Variants in VWC2L observed in about 807,000 individuals in gnomAD.
The protein encoded by VWC2L is von Willebrand factor C domain-containing protein 2-like.
VWC2L carries 10 observed loss-of-function variants against 21.6 expected under a neutral mutation model. The ratio of observed to expected loss-of-function variants is 0.46; its 90% confidence interval spans 0.29 to 0.78. The LOEUF (loss-of-function observed/expected upper bound fraction) is 0.78. Ranked by LOEUF, VWC2L falls within the 30% of genes least tolerant of loss-of-function variation. The probability of loss-of-function intolerance (pLI) is 0.10; values close to 1 mark genes in which losing one functional copy is unlikely to be tolerated. For missense variants in VWC2L, 209 were observed against 277.1 expected, an observed-to-expected ratio of 0.75 and a Z score of 1.74; for synonymous variants, 96 against 94.3, an observed-to-expected ratio of 1.02 and a Z score of -0.10.
rs539126645 is a variant in VWC2L at position 214,437,191 on chromosome 2, A to G, written c.520+433A>G. Reference sequence around the variant, plus strand: ...TAGATAAGACCTTAGGTTTAAAGTTAAATATAAAATTCAAGAAATATTAAA... The same window carrying G: ...TAGATAAGACCTTAGGTTTAAAGTTGAATATAAAATTCAAGAAATATTAAA... On this transcript the variant is annotated intron_variant, in intron 3 of 3. Transcript: ENST00000312504. Among the ~76,000 whole-genome samples the G allele has an allele frequency of 1.9e-4, 29 of 152,264 alleles. No individual in the cohort carries two copies. In the South Asian group the frequency reaches 3.7e-3, roughly 20 times the overall value.
chr2:214,453,125 A>G (rs1703000890), intron 3 of VWC2L, among the ~76,000 whole-genome samples: 1 of 152,222 alleles, frequency 6.6e-6, no homozygotes, highest in South Asian at 2.1e-4. Flanking sequence ...GGTTGTAACC[A>G]AGAAATCTTG....
intron 3 of VWC2L, among the ~76,000 whole-genome samples, chr2:214,568,655 G>A (rs184746473): frequency 7.2e-5 from 11 of 152,256 alleles, no homozygotes; most frequent in African/African-American, 2.2e-4. Flanking sequence ...CACAAGAACA[G>A]CACAGGAAAG....
chr2:214,477,244 T>A (rs533302133), intron 3 of VWC2L, among the ~76,000 whole-genome samples: 236 of 152,316 alleles, frequency 1.5e-3, no homozygotes, highest in Middle Eastern at 0.014. Context: ...GTTCTTACTA[T>A]CCTATAGCAA....
At chr2:214,491,345 C>T (rs548204518) in intron 3 of VWC2L, among the ~76,000 whole-genome samples, 24 of 152,112 alleles carry the variant, frequency 1.6e-4, no homozygotes, top group African/African-American at 5.5e-4. Context: ...TTGGTTCATG[C>T]GTCTGATTGA....
intron 3 of VWC2L, among the ~76,000 whole-genome samples, chr2:214,502,960 T>C (rs2105901882): frequency 6.6e-6 from 1 of 152,348 alleles, no homozygotes; most frequent in East Asian, 1.9e-4. Context: ...GTTGTGTGCA[T>C]TTATTAGTGT....
intron 2 of VWC2L, chr2:214,415,054 TC>T (rs749439666): frequency 1.8e-4 from 29 of 158,932 alleles, no homozygotes; most frequent in South Asian, 7.5e-4. Context: ...TTAGCTGTGG[TC>T]CTCATATTAA....
chr2:214,574,474 C>T (rs1203853587), intron 3 of VWC2L, among the ~76,000 whole-genome samples: 1 of 152,160 alleles, frequency 6.6e-6, no homozygotes, highest in Non-Finnish European at 1.5e-5. Flanking sequence ...AGCGGAACTA[C>T]ACATAGCCCC....
At chr2:214,542,091 C>T (rs543663032) in intron 3 of VWC2L, among the ~76,000 whole-genome samples, 139 of 152,220 alleles carry the variant, frequency 9.1e-4, no homozygotes, top group Admixed American at 1.2e-3. Flanking sequence ...GACAGTCTGC[C>T]TGGCTGTAAT....
chr2:214,520,404 G>A (rs1280227484), intron 3 of VWC2L, among the ~76,000 whole-genome samples: 2 of 151,972 alleles, frequency 1.3e-5, no homozygotes, highest in African/African-American at 4.8e-5. Context: ...TTATGAAGCA[G>A]TTTCATTATG....
intron 3 of VWC2L, chr2:214,525,219 T>A (rs1689313907): frequency 6.6e-6 from 1 of 152,066 alleles, no homozygotes. Context: ...GGGTCAGAGA[T>A]TTTTTTGAGA....
intron 3 of VWC2L, among the ~76,000 whole-genome samples, chr2:214,482,446 A>AAT (rs1417590039): frequency 4.2e-4 from 63 of 151,594 alleles, no homozygotes; most frequent in Middle Eastern, 3.4e-3. Context: ...AAACTGGTAA[A>AAT]ATATATATAT....
intron 3 of VWC2L, among the ~76,000 whole-genome samples, chr2:214,506,197 T>C (rs749935624): frequency 4.6e-5 from 7 of 152,190 alleles, no homozygotes; most frequent in Non-Finnish European, 1.0e-4. Context: ...TAAAGATATA[T>C]ACTGACTTTT....
intron 3 of VWC2L, among the ~76,000 whole-genome samples, chr2:214,567,763 C>A (rs1202056932): frequency 6.6e-6 from 1 of 152,134 alleles, no homozygotes; most frequent in Non-Finnish European, 1.5e-5. Flanking sequence ...CTGTATCCCA[C>A]CCCACGCACT....
chr2:214,568,616 C>T (rs1240100310), intron 3 of VWC2L, among the ~76,000 whole-genome samples: 2 of 152,044 alleles, frequency 1.3e-5, no homozygotes, highest in Non-Finnish European at 2.9e-5. Flanking sequence ...TTTTTAAAAC[C>T]ATGAGATCCC....
chr2:214,527,778 T>C (rs10182278), intron 3 of VWC2L, among the ~76,000 whole-genome samples: 31,858 of 152,102 alleles, frequency 0.21, 3,845 homozygotes, highest in Admixed American at 0.26. Context: ...AGTACCAATA[T>C]ATACTTGACA....
intron 3 of VWC2L, among the ~76,000 whole-genome samples, chr2:214,572,395 T>C (rs1690162576): frequency 6.6e-6 from 1 of 152,198 alleles, no homozygotes; most frequent in South Asian, 2.1e-4. Context: ...CAGCCTTCAG[T>C]TTAATCATTT....
chr2:214,461,762 C>T (rs2126188905), intron 3 of VWC2L, among the ~76,000 whole-genome samples: 1 of 152,252 alleles, frequency 6.6e-6, no homozygotes, highest in East Asian at 1.9e-4. Flanking sequence ...GGTTCCCTAA[C>T]AGCATGGTTA....
chr2:214,459,661 G>A (rs1233574653), intron 3 of VWC2L, among the ~76,000 whole-genome samples: 1 of 152,134 alleles, frequency 6.6e-6, no homozygotes, highest in Non-Finnish European at 1.5e-5. Context: ...GTCTAGTGAT[G>A]ATGAATTCGT....
intron 3 of VWC2L, chr2:214,534,145 G>A (rs1689487051): frequency 6.6e-6 from 1 of 152,432 alleles, no homozygotes; most frequent in Admixed American, 6.6e-5. Flanking sequence ...TGAGATGTGT[G>A]GTAAGTGTCT....
Sources: gnomAD v4.1 joint callset for allele counts (sites outside exome capture counted in the v4.1 genomes callset) on GRCh38, gnomAD v4.1.1 for gene constraint, MANE v1.5 for transcripts, NCBI Gene and HGNC (gene_info 2026-07-23, HGNC 2026-07-21) for gene names.